Variants in P2RY12 observed in about 807,000 individuals in gnomAD.
The protein encoded by P2RY12 is P2Y purinoceptor 12.
P2RY12 carries 3 observed loss-of-function variants against 4.5 expected under a neutral mutation model. The observed-to-expected ratio is 0.67, with a 90% confidence interval of 0.31 to 1.74. The LOEUF is 1.74. P2RY12 is among the 40% of genes most tolerant of loss of function. P2RY12 has a pLI of 0.09. For synonymous variants in P2RY12, 148 were observed against 154.1 expected, an observed-to-expected ratio of 0.96 and a Z score of 0.29; for missense variants, 356 against 407.8, an observed-to-expected ratio of 0.87 and a Z score of 1.09.
chr3:151,362,248 A>T (rs2150084832), intron 1 of P2RY12, among the ~76,000 whole-genome samples: 1 of 152,106 alleles, frequency 6.6e-6, no homozygotes, highest in Non-Finnish European at 1.5e-5. Context: ...GATCCTTTTA[A>T]TATACGAATG....
intron 1 of P2RY12, among the ~76,000 whole-genome samples, chr3:151,368,624 TATTTTATTTC>T (rs372070221): frequency 0.066 from 5,603 of 84,354 alleles, 200 homozygotes; most frequent in Admixed American, 0.1. Context: ...TATTTTATTT[TATTTTATTTC>T]ATTTCATTTC....
chr3:151,361,363 G>T (rs1426602630), intron 1 of P2RY12, among the ~76,000 whole-genome samples: 1 of 151,848 alleles, frequency 6.6e-6, no homozygotes, highest in African/African-American at 2.4e-5. Flanking sequence ...AGGAAACCTG[G>T]TTTCTATTAC....
intron 1 of P2RY12, chr3:151,377,983 T>G: frequency 6.4e-7 from 1 of 1,556,016 alleles, no homozygotes; most frequent in Non-Finnish European, 8.7e-7. Flanking sequence ...GGATGCTTTC[T>G]CCGGTGTAAC....
chr3:151,357,207 T>C (rs905123904), intron 1 of P2RY12: 2 of 1,588,416 alleles, frequency 1.3e-6, no homozygotes, highest in African/African-American at 1.4e-5. Flanking sequence ...TTTTCTCCTG[T>C]TACAGTTACT....
chr3:151,374,356 T>G (rs1756560886), intron 1 of P2RY12, among the ~76,000 whole-genome samples: 1 of 152,200 alleles, frequency 6.6e-6, no homozygotes, highest in South Asian at 2.1e-4. Context: ...GAGACCAGCC[T>G]GGCCAACATG....
At chr3:151,381,978 G>C (rs1035755946) in intron 1 of P2RY12, among the ~76,000 whole-genome samples, 1 of 152,060 alleles carries the variant, frequency 6.6e-6, no homozygotes, top group African/African-American at 2.4e-5. Flanking sequence ...GTGGTTTTTT[G>C]TTTTTGTTTT....
At chr3:151,380,035 G>A in intron 1 of P2RY12, 1 of 895,478 alleles carries the variant, frequency 1.1e-6, no homozygotes, top group South Asian at 1.8e-5. Flanking sequence ...TAATAGTGAG[G>A]CAAAGAAATG....
intron 1 of P2RY12, among the ~76,000 whole-genome samples, chr3:151,368,723 T>A (rs764629988): frequency 1.1e-5 from 1 of 88,532 alleles, no homozygotes. Flanking sequence ...TCATTTCATT[T>A]CATTTCATTT....
intron 1 of P2RY12, among the ~76,000 whole-genome samples, chr3:151,379,234 TGCCTAACTTCCCA>T (rs1400463917): frequency 2.6e-5 from 4 of 152,250 alleles, no homozygotes; most frequent in Non-Finnish European, 4.4e-5. Context: ...GTATGTGCAT[TGCCTAACTTCCCA>T]TAGGCAGGAC....
intron 1 of P2RY12, among the ~76,000 whole-genome samples, chr3:151,343,822 G>A (rs1352564332): frequency 6.6e-6 from 1 of 152,050 alleles, no homozygotes; most frequent in East Asian, 1.9e-4. Context: ...GCTTCAAATG[G>A]GATTACTCTG....
chr3:151,382,711 T>C, intron 1 of P2RY12: 1 of 1,612,838 alleles, frequency 6.2e-7, no homozygotes, highest in Non-Finnish European at 8.5e-7. Flanking sequence ...GCGCGGCAGA[T>C]GATGCACGAA....
intron 1 of P2RY12, among the ~76,000 whole-genome samples, chr3:151,353,987 A>G (rs1753580793): frequency 7.3e-6 from 1 of 136,682 alleles, no homozygotes; most frequent in Non-Finnish European, 1.5e-5. Flanking sequence ...TAAAAATACA[A>G]AAAATTAGCC....
At chr3:151,372,811 C>A in intron 1 of P2RY12, 1 of 1,499,298 alleles carries the variant, frequency 6.7e-7, no homozygotes, top group Non-Finnish European at 9.3e-7. Context: ...CGTAACTCTT[C>A]TTTTGGAGAG....
intron 1 of P2RY12, among the ~76,000 whole-genome samples, chr3:151,368,725 A>G (rs1351546253): frequency 1.8e-5 from 1 of 56,446 alleles, no homozygotes; most frequent in Non-Finnish European, 3.6e-5. Context: ...ATTTCATTTC[A>G]TTTCATTTCA....
At chr3:151,368,462 A>G (rs1215253353) in intron 1 of P2RY12, among the ~76,000 whole-genome samples, 1 of 152,134 alleles carries the variant, frequency 6.6e-6, no homozygotes, top group East Asian at 1.9e-4. Context: ...ATACGAATCA[A>G]GAGTTAGTAA....
At chr3:151,378,712 GAGAA>G (rs1179244883) in intron 1 of P2RY12, among the ~76,000 whole-genome samples, 1 of 152,012 alleles carries the variant, frequency 6.6e-6, no homozygotes, top group African/African-American at 2.4e-5. Context: ...CCGTGTTACT[GAGAA>G]AGAAAGAAAC....
At position 151,376,726 on chromosome 3, in the gene P2RY12, G is replaced by A. The variant is rs751820070; in HGVS notation, c.-180+7966C>T. On this transcript the variant is annotated intron_variant, in intron 1 of 2. Transcript: ENST00000302632. ...TTATTCTGCTCTTTCTTGAGAGAAG[G>A]AGTACTGTAAGAAATTACTGTATTT... 43 of 1,180,874 alleles carry A rather than the reference G, an allele frequency of 3.6e-5. 1 individual carries two copies. The highest frequency in any genetic ancestry group is 5.3e-5 in the Non-Finnish European group (42 of 794,238). 73.1% of individuals were successfully genotyped at this position (1,180,874 alleles called of 1,614,324 possible).
chr3:151,381,236 C>G (rs1044170786), intron 1 of P2RY12, among the ~76,000 whole-genome samples: 12 of 152,274 alleles, frequency 7.9e-5, no homozygotes, highest in African/African-American at 2.9e-4. Context: ...TCGAATGGTA[C>G]TAGATGGACA....
chr3:151,370,780 A>G (rs1756080982), intron 1 of P2RY12, among the ~76,000 whole-genome samples: 3 of 152,200 alleles, frequency 2.0e-5, no homozygotes, highest in African/African-American at 4.8e-5. Flanking sequence ...TCAGTTTTCA[A>G]TAAAATTATG....
Sources: allele counts gnomAD v4.1 joint callset (sites outside exome capture counted in the v4.1 genomes callset), GRCh38; gene constraint gnomAD v4.1.1; transcripts MANE v1.5; gene names NCBI Gene and HGNC (gene_info 2026-07-23, HGNC 2026-07-21).